Variants in UBR2 observed in about 807,000 individuals in gnomAD.
The protein encoded by UBR2 is E3 ubiquitin-protein ligase UBR2.
UBR2 carries 92 observed loss-of-function variants against 247.9 expected under a neutral mutation model. That is an observed-to-expected ratio of 0.37 (90% CI 0.31 to 0.44). The LOEUF is 0.44. UBR2 is among the 20% of genes least tolerant of loss of function. The pLI, the probability that UBR2 is intolerant of heterozygous loss-of-function variation, is 1.00. For missense variants in UBR2, 1,613 were observed against 2,112.6 expected, an observed-to-expected ratio of 0.76 and a Z score of 4.64; for synonymous variants, 672 against 693.5, an observed-to-expected ratio of 0.97 and a Z score of 0.49.
chr6:42,603,806 A>G (rs1036013086), intron 5 of UBR2, 88 bp downstream of exon 5: 2 of 1,346,296 alleles, frequency 1.5e-6, no homozygotes, highest in East Asian at 2.7e-5. Flanking sequence ...TCATTTTTTA[A>G]TAATGAGTTT....
At chr6:42,655,911 A>G (rs180801726) in intron 26 of UBR2, among the ~76,000 whole-genome samples, 188 bp downstream of exon 26, 1 of 152,306 alleles carries the variant, frequency 6.6e-6, no homozygotes, top group Non-Finnish European at 1.5e-5. Flanking sequence ...TTATAAAAAT[A>G]TCTAGGGCTA....
At chr6:42,632,482 T>C (rs1450780567) in intron 11 of UBR2, 70 bp from the exon 12 acceptor site, 1 of 1,376,790 alleles carries the variant, frequency 7.3e-7, no homozygotes, top group Non-Finnish European at 9.6e-7. Context: ...ACAATGTTGG[T>C]GACTTTTTTT....
Position 42,689,712 on chromosome 6 carries a change from G to T in UBR2, c.5126+42G>T, listed in dbSNP as rs368035072. 4 of 1,550,542 alleles carry T rather than the reference G, an allele frequency of 2.6e-6. No individual in the cohort carries two copies. The highest frequency in any genetic ancestry group is 3.6e-6 in the Non-Finnish European group (4 of 1,125,592). On this transcript the variant is annotated intron_variant, in intron 46 of 46. Transcript: ENST00000372901. The surrounding 1 kb of genome is among the most constrained non-coding windows in gnomAD (Gnocchi z 4.0). ...AGTTAGCTAACTCAGGGCCTGCAGCGCCCTTCCGTATGTGGTGACGTCCTG... is the reference window on the plus strand; with the variant it reads ...AGTTAGCTAACTCAGGGCCTGCAGCTCCCTTCCGTATGTGGTGACGTCCTG...
At chr6:42,605,560 CAGACTGT>C (rs1427279613) in intron 5 of UBR2, among the ~76,000 whole-genome samples, 154 bp from the exon 6 acceptor site, 3 of 152,216 alleles carry the variant, frequency 2.0e-5, no homozygotes, top group Non-Finnish European at 4.4e-5. Flanking sequence ...TTTTCCCCAC[CAGACTGT>C]AGTATCACAG....
At chr6:42,660,995 TTAAA>T (rs752690694) in intron 30 of UBR2, among the ~76,000 whole-genome samples, 3 of 119,858 alleles carry the variant, frequency 2.5e-5, no homozygotes, top group Non-Finnish European at 5.3e-5. Context: ...TTGTTTGTTT[TTAAA>T]AAAAAAAAAA....
intron 2 of UBR2, among the ~76,000 whole-genome samples, chr6:42,584,661 T>C (rs1454628964): frequency 6.6e-6 from 1 of 152,210 alleles, no homozygotes; most frequent in African/African-American, 2.4e-5. Flanking sequence ...ATTTTATCTC[T>C]CTTCATTTAT....
At chr6:42,682,990 G>GA (rs1799141275) in intron 42 of UBR2, 65 bp from the exon 43 acceptor site, 6 of 1,451,384 alleles carry the variant, frequency 4.1e-6, no homozygotes, top group Non-Finnish European at 4.7e-6. Flanking sequence ...CTATGGAGGG[G>GA]AAAAAATTCT....
At chr6:42,624,781 C>T (rs1795230580) in intron 11 of UBR2, among the ~76,000 whole-genome samples, 1 of 152,078 alleles carries the variant, frequency 6.6e-6, no homozygotes, top group African/African-American at 2.4e-5. Flanking sequence ...TCTGAAAAGG[C>T]ATCTCAAAAA....
chr6:42,567,806 T>C (rs1790872317), intron 1 of UBR2, among the ~76,000 whole-genome samples: 1 of 151,882 alleles, frequency 6.6e-6, no homozygotes, highest in Non-Finnish European at 1.5e-5. Flanking sequence ...GAGGCTGAGG[T>C]GGGAGGACTG....
At position 42,655,637 on chromosome 6, in the gene UBR2, G is replaced by A; in HGVS notation, c.2786G>A (p.Gly929Asp). ...TTATTCAAGGTGTTACATTTAATTG[G>A]CATGGCACTACAAGAAGAAAAACAA... ...SMLQRVLHLI[G>D]MALQEEKQHL... The change falls in exon 26 of 47, where the codon GGC (glycine) becomes GAC (aspartate). Residue 929 changes from glycine (G) to aspartate (D), a missense_variant. By Grantham distance (94) the Gly-to-Asp change is moderately conservative. This residue lies in a region of UBR2 where 1,524 missense variants were observed against 1,967.3 expected (regional missense o/e 0.77). Coordinates refer to ENST00000372901, the MANE Select transcript of UBR2 (RefSeq NM_001363705.2). The A allele has an allele frequency of 6.4e-7, 1 of 1,550,492 alleles. No individual in the cohort carries two copies.
chr6:42,614,348 G>GTGTGTATA lies in UBR2; in HGVS notation c.986-722_986-721insGTGTATAT, dbSNP rs1562311641. Among the ~76,000 whole-genome samples the GTGTGTATA allele has an allele frequency of 5.0e-5, 7 of 139,898 alleles. No homozygotes were observed. In the East Asian group the frequency reaches 1.5e-3, roughly 29 times the overall value. 91.8% of individuals were successfully genotyped at this position (139,898 alleles called of 152,430 possible). On this transcript the variant is annotated intron_variant, in intron 8 of 46. Transcript: ENST00000372901. ...TATGTGTATATGTGTATGTGTGTAT[G>GTGTGTATA]TATGTGTGTATATATGTGTGTATGT... is the stretch of plus-strand genomic sequence containing the variant.
In UBR2 at chr6:42,687,575, C is replaced by G. The variant is rs538766872; in HGVS notation, c.4854-641C>G. Among the ~76,000 whole-genome samples the G allele has an allele frequency of 2.6e-5, 4 of 151,892 alleles. No homozygotes were observed. The East Asian group carries it at 7.7e-4, about 29-fold the overall frequency. ...TTATTTATTGAGACAGGGTCTCACT[C>G]TGTTGCCCAGGCTGGAGTGCAGTGG... On this transcript the variant is annotated intron_variant, in intron 44 of 46. Transcript: ENST00000372901.
chr6:42,631,840 A>G (rs1398306351), intron 11 of UBR2, among the ~76,000 whole-genome samples: 1 of 131,724 alleles, frequency 7.6e-6, no homozygotes, highest in African/African-American at 2.9e-5. Flanking sequence ...TGTGTGTATT[A>G]TGTAGTATAT....
intron 41 of UBR2, 66 bp from the exon 42 acceptor site, chr6:42,679,658 C>T: frequency 8.3e-7 from 1 of 1,204,074 alleles, no homozygotes; most frequent in Non-Finnish European, 1.2e-6. Context: ...TCTGCTATTG[C>T]TTAACTCTCA....
intron 44 of UBR2, among the ~76,000 whole-genome samples, chr6:42,685,413 A>C (rs942183993): frequency 6.6e-6 from 1 of 152,096 alleles, no homozygotes; most frequent in Non-Finnish European, 1.5e-5. Flanking sequence ...AGGAGAAGCA[A>C]ATTTGATTCA....
chr6:42,635,172 A>T lies in UBR2; in HGVS notation c.1546-246A>T, dbSNP rs74576143. On this transcript the variant is annotated intron_variant, in intron 13 of 46. Transcript: ENST00000372901. ...TGAAGTATTTTATTGCCTAAAACAG[A>T]TCTTAGATGATACCTCTGAAATAAT... Among the ~76,000 whole-genome samples the T allele has an allele frequency of 4.0e-3, 608 of 152,328 alleles. 1 individual carries two copies. Among genetic ancestry groups the T allele is most frequent in the African/African-American group, 0.014 (566 of 41,574 alleles).
chr6:42,568,795 C>T (rs186233373), intron 1 of UBR2, among the ~76,000 whole-genome samples: 30 of 152,208 alleles, frequency 2.0e-4, no homozygotes, highest in Admixed American at 1.7e-3. Flanking sequence ...AGTATTGTTA[C>T]GCTTGCCACC....
At chr6:42,617,785 G>T (rs537741108) in intron 11 of UBR2, among the ~76,000 whole-genome samples, 2 of 152,130 alleles carry the variant, frequency 1.3e-5, no homozygotes, top group Admixed American at 1.3e-4. Flanking sequence ...CTGAGATTTT[G>T]AACTGATTAG....
In UBR2 at chr6:42,650,296, A is replaced by G. The variant is rs1194642508; in HGVS notation, c.2475A>G (p.Leu825=). The change falls in exon 23 of 47, where the codon TTA becomes TTG. Residue 825 remains leucine (L), a synonymous_variant. Transcript: ENST00000372901. ...EAVAHFKKPG[L]TGRGMYELKP... is the part of the protein sequence containing the mutation. ...CTTTCTTTCACAGGAAACCTGGATT[A>G]ACAGGACGAGGCATGTATGAACTGA... 5 of 1,613,484 alleles carry G rather than the reference A, an allele frequency of 3.1e-6. No individual in the cohort carries two copies. The highest frequency in any genetic ancestry group is 4.2e-6 in the Non-Finnish European group (5 of 1,179,698).
Sources: allele counts gnomAD v4.1 joint callset (sites outside exome capture counted in the v4.1 genomes callset), GRCh38; gene constraint gnomAD v4.1.1; regional missense constraint gnomAD v4.1.1; non-coding constraint Gnocchi (gnomAD v3.1); transcripts MANE v1.5; gene names NCBI Gene and HGNC (gene_info 2026-07-23, HGNC 2026-07-21).